The following PLCE1 variants were observed in gnomAD, a reference collection of about 807,000 sequenced individuals.
The protein encoded by PLCE1 is phospholipase C epsilon 1, also known as 1-phosphatidylinositol 4,5-bisphosphate phosphodiesterase epsilon-1.
A neutral mutation model predicts 242.8 loss-of-function variants in PLCE1; 119 were observed. That is an observed-to-expected ratio of 0.49 (90% CI 0.42 to 0.57). PLCE1 has a LOEUF of 0.57. Among genes scored for constraint, PLCE1 ranks in the 20% least tolerant of loss-of-function variants. PLCE1 has a pLI of 0.00. For missense variants in PLCE1, 2,441 were observed against 2,788.8 expected (o/e 0.88, Z 2.81); for synonymous variants, 945 against 1,017.4 (o/e 0.93, Z 1.35).
At chr10:94,288,532 C>T (rs976598203) in intron 22 of PLCE1, among the ~76,000 whole-genome samples, 11 of 152,288 alleles carry the variant, frequency 7.2e-5, no homozygotes, top group African/African-American at 2.4e-4. Flanking sequence ...TCTCAGGCCT[C>T]TCTACCAGGG....
chr10:94,206,017 T>G (rs957552853), intron 4 of PLCE1, among the ~76,000 whole-genome samples: 2 of 152,136 alleles, frequency 1.3e-5, no homozygotes, highest in African/African-American at 4.8e-5. Context: ...TGCAGTTAGA[T>G]GGAGACAGAT....
rs138760219 is a variant in PLCE1 at position 94,165,358 on chromosome 10, G to T, written c.1493-5822G>T. Among the ~76,000 whole-genome samples, 636 of 152,262 alleles carry T rather than the reference G, an allele frequency of 4.2e-3. 5 individuals are homozygous for T. The highest frequency in any genetic ancestry group is 0.013 in the African/African-American group (549 of 41,546). On this transcript the variant is annotated intron_variant, in intron 3 of 32. Transcript: ENST00000371380. ...GCGCCCCTCCCCCAGCCTCGCTGCC[G>T]CCTTGCAGTTTGATCTCAGACTGCT... is the stretch of plus-strand genomic sequence containing the variant.
At chr10:94,090,322 C>A (rs953465454) in intron 2 of PLCE1, among the ~76,000 whole-genome samples, 1 of 152,140 alleles carries the variant, frequency 6.6e-6, no homozygotes, top group South Asian at 2.1e-4. Context: ...ATTCTATCTG[C>A]GAATTTCCAT....
At chr10:94,229,023 A>C (rs879344499) in intron 5 of PLCE1, among the ~76,000 whole-genome samples, 5 of 152,030 alleles carry the variant, frequency 3.3e-5, no homozygotes, top group Non-Finnish European at 7.4e-5. Flanking sequence ...CTCTACTAAA[A>C]ATACAAAAAT....
intron 2 of PLCE1, among the ~76,000 whole-genome samples, chr10:94,040,566 C>G (rs1261537510): frequency 1.3e-5 from 2 of 152,180 alleles, no homozygotes; most frequent in Non-Finnish European, 1.5e-5. Context: ...GTGTCTCACC[C>G]TTGTGCACCT....
At chr10:94,318,262 A>C (rs778414664) in intron 29 of PLCE1, among the ~76,000 whole-genome samples, 30 of 152,330 alleles carry the variant, frequency 2.0e-4, no homozygotes, top group African/African-American at 7.2e-4. Flanking sequence ...TTATGATAAA[A>C]TATCAGAGGG....
chr10:94,186,764 T>C (rs761907690), intron 4 of PLCE1, among the ~76,000 whole-genome samples: 2 of 152,230 alleles, frequency 1.3e-5, no homozygotes, highest in Non-Finnish European at 2.9e-5. Flanking sequence ...AGATACATAA[T>C]TGATATGCAA....
chr10:94,071,507 T>TTTGTTTGTTTTTTTTTTTTTG (rs2044358733), intron 2 of PLCE1, among the ~76,000 whole-genome samples: 1 of 137,580 alleles, frequency 7.3e-6, no homozygotes, highest in African/African-American at 2.9e-5. Context: ...TTTTTTTTTT[T>TTTGTTTGTTTTTTTTTTTTTG]TTTTTTTTTG....
chr10:94,001,119 G>C (rs187862756), intron 1 of PLCE1, among the ~76,000 whole-genome samples: 148 of 152,300 alleles, frequency 9.7e-4, no homozygotes, highest in African/African-American at 3.4e-3. Flanking sequence ...AGTGAGTACA[G>C]GGCTACTTGC....
At chr10:94,151,590 G>T (rs969639512) in intron 3 of PLCE1, among the ~76,000 whole-genome samples, 1 of 152,162 alleles carries the variant, frequency 6.6e-6, no homozygotes, top group Non-Finnish European at 1.5e-5. Flanking sequence ...GTCAAAACCA[G>T]AGTCACACAT....
At chr10:94,270,860 AGG>A (rs1336262609) in intron 18 of PLCE1, among the ~76,000 whole-genome samples, 10 of 152,090 alleles carry the variant, frequency 6.6e-5, no homozygotes, top group African/African-American at 2.2e-4. Flanking sequence ...AGTAGAGATG[AGG>A]TTTCGCCATG....
intron 29 of PLCE1, among the ~76,000 whole-genome samples, chr10:94,318,169 G>C (rs1258095267): frequency 6.6e-6 from 1 of 152,170 alleles, no homozygotes; most frequent in African/African-American, 2.4e-5. Context: ...GCAAAAAAAT[G>C]TAATTGTCTC....
chr10:94,048,962 C>T (rs1259596623), intron 2 of PLCE1, among the ~76,000 whole-genome samples: 1 of 151,684 alleles, frequency 6.6e-6, no homozygotes, highest in Non-Finnish European at 1.5e-5. Context: ...TGGCATCTCA[C>T]TGTGTTGCCT....
rs545960129 is a variant in PLCE1 at position 94,269,132 on chromosome 10, C to T, written c.4389+96C>T. The T allele has an allele frequency of 2.1e-5, 13 of 629,330 alleles. No homozygotes were observed. The African/African-American group carries it at 2.4e-4, about 11-fold the overall frequency. The allele number at this position is 629,330 out of a possible 1,614,324, so 39.0% of individuals were successfully genotyped here. The stretch of plus-strand genomic sequence containing the variant: ...TTTTTTTTTTTTTGAGACGGGTTCT[C>T]GCTCTGTTATCCAGGCTGGAGTAGA... On this transcript the variant is annotated intron_variant, in intron 17 of 32. Coordinates refer to ENST00000371380, the MANE Select transcript of PLCE1 (RefSeq NM_016341.4).
At position 94,330,889 on chromosome 10, in the gene PLCE1, A is replaced by G. The variant is rs1288827072; in HGVS notation, c.*2946A>G. On this transcript the variant is annotated 3_prime_UTR_variant, in exon 33 of 33. Transcript: ENST00000371380. ...ACCATTTCACACTTTTTAGGCCACC[A>G]GAAATCTGGGTAGCAAACTCTTCTC... is the stretch of plus-strand genomic sequence containing the variant. 1 of 152,238 alleles carries G rather than the reference A, an allele frequency of 6.6e-6. No homozygotes were observed. Among genetic ancestry groups the G allele is most frequent in the East Asian group, 1.9e-4 (1 of 5,198 alleles). The allele number at this position is 152,238 out of a possible 1,614,324, so 9.4% of individuals were successfully genotyped here.
chr10:94,101,564 C>T (rs1033702051), intron 2 of PLCE1, among the ~76,000 whole-genome samples: 1 of 152,160 alleles, frequency 6.6e-6, no homozygotes, highest in Non-Finnish European at 1.5e-5. Context: ...GAAAACCCCC[C>T]TGAGAAGCAA....
In PLCE1 at chr10:94,167,509, CT is replaced by C. The variant is rs34925856; in HGVS notation, c.1493-3662del. Among the ~76,000 whole-genome samples, 16 of 150,700 alleles carry C rather than the reference CT, an allele frequency of 1.1e-4. 1 individual carries two copies. Among genetic ancestry groups the C allele is most frequent in the East Asian group, 3.9e-4 (2 of 5,106 alleles). ...CAAAGCCTGGCACATAGTAGGCACT[CT>C]TTTTTTTTAATTTTATTATTATTAT... On this transcript the variant is annotated intron_variant, in intron 3 of 32. Transcript: ENST00000371380.
At position 94,236,088 on chromosome 10, in the gene PLCE1, G is replaced by T. The variant is rs541915097; in HGVS notation, c.2388G>T (p.Arg796Ser). 6.2e-7 allele frequency: 1 copy of T among 1,613,892 alleles called. No individual in the cohort carries two copies. The highest frequency in any genetic ancestry group is 8.5e-7 in the Non-Finnish European group (1 of 1,179,940). The change falls in exon 7 of 33, where the codon AGG becomes AGT. Residue 796 changes from arginine to serine, a missense_variant. Coordinates refer to ENST00000371380, the MANE Select transcript of PLCE1 (RefSeq NM_016341.4). ...GCCCCAGTGAAGGAAACAGCTCCAG[G>T]AAAAGCTCCTTGAAGGATAAAAGCC... ...EDSPSEGNSS[R>S]KSSLKDKSRW...
At chr10:94,196,727 C>T (rs948229675) in intron 4 of PLCE1, among the ~76,000 whole-genome samples, 9 of 152,170 alleles carry the variant, frequency 5.9e-5, no homozygotes, top group African/African-American at 2.2e-4. Context: ...ATCCCCACCC[C>T]TTCTAGAAGT....
Sources: allele counts gnomAD v4.1 joint callset (sites outside exome capture counted in the v4.1 genomes callset), GRCh38; gene constraint gnomAD v4.1.1; transcripts MANE v1.5; gene names NCBI Gene and HGNC (gene_info 2026-07-23, HGNC 2026-07-21).